Variants in TBC1D1 observed in about 807,000 individuals in gnomAD.
TBC1D1 encodes the protein TBC1 domain family member 1.
In TBC1D1, 89 loss-of-function variants were observed where a neutral mutation model predicts 125.6. The ratio of observed to expected loss-of-function variants is 0.71; its 90% CI spans 0.60 to 0.85. TBC1D1 has a LOEUF of 0.85. Ranked by LOEUF, TBC1D1 falls within the 40% of genes least tolerant of loss-of-function variation. TBC1D1 has a pLI of 0.00. For synonymous variants in TBC1D1, 565 were observed against 564.1 expected, an observed-to-expected ratio of 1.00 and a Z score of -0.02; for missense variants, 1,377 against 1,469.2, an observed-to-expected ratio of 0.94 and a Z score of 1.03.
intron 18 of TBC1D1, among the ~76,000 whole-genome samples, chr4:38,128,050 T>G (rs2152624387): frequency 6.6e-6 from 1 of 152,302 alleles, no homozygotes; most frequent in Admixed American, 6.5e-5. Flanking sequence ...CTGTGCAGCG[T>G]GATGGGCTTG....
chr4:38,066,038 C>T (rs115587583), intron 12 of TBC1D1, among the ~76,000 whole-genome samples: 2,556 of 152,238 alleles, frequency 0.017, 33 homozygotes, highest in Non-Finnish European at 0.027. Flanking sequence ...AGCCAGGATT[C>T]GTATCAATCT....
chr4:38,067,223 T>C (rs1233245120), intron 12 of TBC1D1, among the ~76,000 whole-genome samples: 1 of 152,238 alleles, frequency 6.6e-6, no homozygotes, highest in Non-Finnish European at 1.5e-5. Flanking sequence ...ATTATGGTCT[T>C]ATATAATTCT....
intron 12 of TBC1D1, among the ~76,000 whole-genome samples, chr4:38,062,689 T>C (rs551015955): frequency 7.1e-6 from 1 of 140,050 alleles, no homozygotes; most frequent in Non-Finnish European, 1.5e-5. Context: ...GAAGTCACAG[T>C]GAATGGCAAG....
intron 4 of TBC1D1, 86 bp downstream of exon 4, chr4:38,018,529 G>A: frequency 1.2e-6 from 1 of 859,952 alleles, no homozygotes; most frequent in East Asian, 2.6e-5. Context: ...AAATGCTAAA[G>A]GTTACAAGGT....
At chr4:37,892,318 AG>A (rs1320609878) in intron 1 of TBC1D1, among the ~76,000 whole-genome samples, 1 of 152,158 alleles carries the variant, frequency 6.6e-6, no homozygotes, top group Non-Finnish European at 1.5e-5. Flanking sequence ...TGGGAGGCTG[AG>A]GCAGGAGGAT....
At chr4:38,067,887 C>T (rs892765280) in intron 12 of TBC1D1, among the ~76,000 whole-genome samples, 5 of 152,248 alleles carry the variant, frequency 3.3e-5, no homozygotes, top group South Asian at 2.1e-4. Flanking sequence ...TCTGTCCTGC[C>T]GTTTTCACAT....
intron 2 of TBC1D1, among the ~76,000 whole-genome samples, chr4:37,985,728 G>T (rs1735303945): frequency 6.6e-6 from 1 of 152,202 alleles, no homozygotes; most frequent in Non-Finnish European, 1.5e-5. Context: ...ATTAGGCAGG[G>T]TAGATACTGA....
In TBC1D1 at chr4:38,103,149, T is replaced by C. The variant is rs748817145; in HGVS notation, c.2549T>C (p.Ile850Thr). Residue 850 changes from isoleucine to threonine, a missense_variant, in exon 15 of 20, where the codon ATT (isoleucine) becomes ACT (threonine). Physicochemically the swap from Ile to Thr is moderately conservative, Grantham distance 89. Around this residue, in one of 3 missense-constraint regions of TBC1D1, gnomAD observed 543 missense variants for 613.5 expected, o/e 0.89. Coordinates refer to ENST00000261439, the MANE Select transcript of TBC1D1 (RefSeq NM_015173.4). The stretch of plus-strand genomic sequence containing the variant: ...ACTTCCCAGCAGCATGCGATTCTTA[T>C]TGACCTTGGTAAGTCTGTGCCATCG... 4.0e-5 allele frequency: 65 copies of C among 1,610,772 alleles called. No homozygotes were observed. The highest frequency in any genetic ancestry group is 4.7e-5 in the Non-Finnish European group (55 of 1,178,984).
chr4:38,058,952 T>TG (rs551858588), intron 12 of TBC1D1, among the ~76,000 whole-genome samples: 170 of 152,264 alleles, frequency 1.1e-3, no homozygotes, highest in African/African-American at 3.8e-3. Flanking sequence ...TCAGGCACAG[T>TG]GGATAGAGGT....
At chr4:38,000,127 T>A (rs996240316) in intron 2 of TBC1D1, among the ~76,000 whole-genome samples, 9 of 152,204 alleles carry the variant, frequency 5.9e-5, no homozygotes, top group Admixed American at 5.2e-4. Flanking sequence ...AGTGGATTTG[T>A]TTGCATTGGA....
intron 2 of TBC1D1, among the ~76,000 whole-genome samples, chr4:37,960,014 G>T (rs960553987): frequency 6.6e-5 from 10 of 152,210 alleles, no homozygotes; most frequent in African/African-American, 2.4e-4. Context: ...TTTATTAAAG[G>T]TTAGTAAGAA....
chr4:37,986,342 T>C (rs941778357), intron 2 of TBC1D1, among the ~76,000 whole-genome samples: 2 of 152,234 alleles, frequency 1.3e-5, no homozygotes, highest in Non-Finnish European at 1.5e-5. Flanking sequence ...ACATTGTTAA[T>C]ATTGCTCTGC....
rs151035067 is a variant in TBC1D1 at position 37,907,473 on chromosome 4, C to T, written c.417+4961C>T. On this transcript the variant is annotated intron_variant, in intron 2 of 19. Transcript: ENST00000261439. ...TTGACTCACTGTAACCTCCGCCTCT[C>T]GGGTTCAAGCGATTCTCCTGCCTCA... 5.2e-3 allele frequency among the ~76,000 whole-genome samples: 790 copies of T among 152,124 alleles called. 5 individuals are homozygous for T. The highest frequency in any genetic ancestry group is 0.018 in the African/African-American group (743 of 41,476).
At position 38,049,796 on chromosome 4, in the gene TBC1D1, A is replaced by G. The variant is rs1048426706; in HGVS notation, c.1808A>G (p.Glu603Gly). ...AACACCCTGAGTCACTTCCCCATCG[A>G]ATGCCAGGAACCTCCACAACCTGCC... is the stretch of plus-strand genomic sequence containing the variant. The change falls in exon 11 of 20, where the codon GAA becomes GGA. Residue 603 changes from glutamate (E) to glycine (G), a missense_variant. Coordinates refer to ENST00000261439, the MANE Select transcript of TBC1D1 (RefSeq NM_015173.4). 6 of 1,613,998 alleles carry G rather than the reference A, an allele frequency of 3.7e-6. No individual in the cohort carries two copies. The highest frequency in any genetic ancestry group is 1.3e-5 in the African/African-American group (1 of 74,910).
At chr4:37,975,776 T>A (rs1732950127) in intron 2 of TBC1D1, among the ~76,000 whole-genome samples, 1 of 152,194 alleles carries the variant, frequency 6.6e-6, no homozygotes, top group African/African-American at 2.4e-5. Flanking sequence ...CGAGGATTAT[T>A]ATAATATTGG....
chr4:38,111,701 G>A (rs1762228938), intron 15 of TBC1D1, among the ~76,000 whole-genome samples: 1 of 152,182 alleles, frequency 6.6e-6, no homozygotes, highest in African/African-American at 2.4e-5. Flanking sequence ...AGGGCCTCAT[G>A]GACCCCTAAA....
intron 2 of TBC1D1, chr4:38,006,880 A>T: frequency 2.0e-6 from 1 of 499,906 alleles, no homozygotes; most frequent in Non-Finnish European, 4.0e-6. Context: ...TAAAATCCTG[A>T]TGCTCATCTC....
rs1761853533 is a variant in TBC1D1 at position 38,109,299 on chromosome 4, T to A, written c.2557+6142T>A. 2.6e-5 allele frequency among the ~76,000 whole-genome samples: 4 copies of A among 152,324 alleles called. No individual in the cohort carries two copies. In the South Asian group the frequency reaches 8.3e-4, roughly 32 times the overall value. On this transcript the variant is annotated intron_variant, in intron 15 of 19. Coordinates refer to ENST00000261439, the MANE Select transcript of TBC1D1 (RefSeq NM_015173.4). Reference sequence around the variant, plus strand: ...GAGTGAGCCATTGTCTCTGATCTTATCAGGATCACATCGTGGGATCATATT... The same window carrying A: ...GAGTGAGCCATTGTCTCTGATCTTAACAGGATCACATCGTGGGATCATATT...
In TBC1D1 at chr4:38,045,854, G is replaced by T; in HGVS notation, c.1580G>T (p.Ser527Ile). 4 of 1,614,166 alleles carry T rather than the reference G, an allele frequency of 2.5e-6. No homozygotes were observed. Among genetic ancestry groups the T allele is most frequent in the Non-Finnish European group, 2.5e-6 (3 of 1,180,014 alleles). Residue 527 changes from serine to isoleucine, a missense_variant, in exon 10 of 20, where the codon AGT becomes ATT. Physicochemically the swap from Ser to Ile is moderately radical, Grantham distance 142. Transcript: ENST00000261439. ...AGAGGCCTGCAGGAACACTCCATCA[G>T]TGTGGATCTGGATAGCTCCCTGTCT...
Sources: gnomAD v4.1 joint callset for allele counts (sites outside exome capture counted in the v4.1 genomes callset) on GRCh38, gnomAD v4.1.1 for gene constraint, gnomAD v4.1.1 regional missense constraint, MANE v1.5 for transcripts, NCBI Gene and HGNC (gene_info 2026-07-23, HGNC 2026-07-21) for gene names.